The following AKR7A2 variants were observed in gnomAD, a reference collection of about 807,000 sequenced individuals.
AKR7A2 encodes the protein aflatoxin B1 aldehyde reductase member 2.
In AKR7A2, 29 loss-of-function variants were observed where a neutral mutation model predicts 37.3. The ratio of observed to expected loss-of-function variants is 0.78; its 90% CI spans 0.58 to 1.06. The LOEUF (loss-of-function observed/expected upper bound fraction) is 1.06, where lower values mean the gene tolerates loss of function less well. Among genes scored for constraint, AKR7A2 ranks in the 50% least tolerant of loss-of-function variants. The pLI is 0.00. For missense variants in AKR7A2, 529 were observed against 497.9 expected (o/e 1.06, Z -0.59); for synonymous variants, 228 against 217.8 (o/e 1.05, Z -0.41).
At position 19,311,983 on chromosome 1, in the gene AKR7A2, C is replaced by A; in HGVS notation, c.142G>T (p.Gly48Trp). 1 of 1,555,194 alleles carries A rather than the reference C, an allele frequency of 6.4e-7. No homozygotes were observed. The highest frequency in any genetic ancestry group is 8.7e-7 in the Non-Finnish European group (1 of 1,151,694). The part of the protein sequence containing the change: ...VASVLGTMEM[G>W]RRMDAPASAA... Reference sequence around the variant, plus strand: ...CTGGCGGGCGCGTCCATGCGGCGCCCCATCTCCATGGTGCCCAGCACCGAG... The same window carrying A: ...CTGGCGGGCGCGTCCATGCGGCGCCACATCTCCATGGTGCCCAGCACCGAG... The change falls in exon 1 of 7, where the codon GGG (glycine) becomes TGG (tryptophan). Residue 48 changes from glycine (G) to tryptophan (W), a missense_variant. Physicochemically the swap from Gly to Trp is radical, Grantham distance 184. Transcript: ENST00000235835.
chr1:19,306,182 C>T, intron 5 of AKR7A2, 35 bp from the exon 6 acceptor site: 6 of 1,613,988 alleles, frequency 3.7e-6, no homozygotes, highest in Non-Finnish European at 4.2e-6. Flanking sequence ...GGGGTCAGTA[C>T]CATGGGGGTC....
rs2151988667 is a variant in AKR7A2, at chr1:19,307,038, A to G, written c.752T>C (p.Phe251Ser). 1 of 1,614,156 alleles carries G rather than the reference A, an allele frequency of 6.2e-7. No homozygotes were observed. The highest frequency in any genetic ancestry group is 8.5e-7 in the Non-Finnish European group (1 of 1,180,036). ...DKDGKQPVGR[F>S]FGNSWAETYR... ...GGTCTCAGCCCAGCTATTCCCAAAGAAGCGGCCCACAGGCTGTTTCCCGTC... is the reference window on the plus strand; with the variant it reads ...GGTCTCAGCCCAGCTATTCCCAAAGGAGCGGCCCACAGGCTGTTTCCCGTC... The change falls in exon 5 of 7, where the codon TTC (phenylalanine) becomes TCC (serine). Residue 251 changes from phenylalanine to serine, a missense_variant. By Grantham distance (155) the Phe-to-Ser change is radical (BLOSUM62 -2). Coordinates refer to ENST00000235835, the MANE Select transcript of AKR7A2 (RefSeq NM_003689.4).
In AKR7A2 at chr1:19,312,012, A is replaced by G. The variant is rs1414798745; in HGVS notation, c.113T>C (p.Val38Ala). 2 of 1,466,272 alleles carry G rather than the reference A, an allele frequency of 1.4e-6. No individual in the cohort carries two copies. Among genetic ancestry groups the G allele is most frequent in the Non-Finnish European group, 1.8e-6 (2 of 1,112,974 alleles). 90.8% of individuals were successfully genotyped at this position (1,466,272 alleles called of 1,614,324 possible). A position where few individuals can be genotyped will look rare whatever the true frequency, so the allele number is the denominator to read the frequency against. Residue 38 changes from valine (V) to alanine (A), a missense_variant, in exon 1 of 7, where the codon GTC becomes GCC. Coordinates refer to ENST00000235835, the MANE Select transcript of AKR7A2 (RefSeq NM_003689.4). ...LAMSRPPPPR[V>A]ASVLGTMEMG... ...CTCCATGGTGCCCAGCACCGAGGCGACCCGCGGTGGCGGTGGCCGGGACAT... is the reference window on the plus strand; with the variant it reads ...CTCCATGGTGCCCAGCACCGAGGCGGCCCGCGGTGGCGGTGGCCGGGACAT...
Position 19,311,821 on chromosome 1 carries a change from T to G in AKR7A2, c.298+6A>C. On this transcript the variant is annotated splice_donor_region_variant and intron_variant, in intron 1 of 6. Coordinates refer to ENST00000235835, the MANE Select transcript of AKR7A2 (RefSeq NM_003689.4). Reference sequence around the variant, plus strand: ...ATGCATGGGGAGGATCTGCAGCTACTGTTACCTCTGCAGTCGCCACCGCCC... The same window carrying G: ...ATGCATGGGGAGGATCTGCAGCTACGGTTACCTCTGCAGTCGCCACCGCCC... 6.2e-7 allele frequency: 1 copy of G among 1,610,228 alleles called. No individual in the cohort carries two copies. The highest frequency in any genetic ancestry group is 8.5e-7 in the Non-Finnish European group (1 of 1,179,452).
Position 19,308,589 on chromosome 1 carries a change from T to C in AKR7A2, c.352A>G (p.Ser118Gly). Reference sequence around the variant, plus strand: ...GACGTCTCCAGCTGGGACCGGACACTGTCAGGCTTTAGTGATTTTCCATCC... The same window carrying C: ...GACGTCTCCAGCTGGGACCGGACACCGTCAGGCTTTAGTGATTTTCCATCC... ...PWDGKSLKPD[S>G]VRSQLETSLK... The change falls in exon 2 of 7, where the codon AGT (serine) becomes GGT (glycine). Residue 118 changes from serine to glycine, a missense_variant. Transcript: ENST00000235835. The C allele has an allele frequency of 6.2e-7, 1 of 1,614,198 alleles. No homozygotes were observed. Among genetic ancestry groups the C allele is most frequent in the Non-Finnish European group, 8.5e-7 (1 of 1,180,030 alleles).
chr1:19,308,027 G>A, intron 3 of AKR7A2, 131 bp downstream of exon 3: 2 of 1,181,818 alleles, frequency 1.7e-6, no homozygotes. Context: ...GGGTACATGG[G>A]AGCCATCTGC....
chr1:19,308,072 G>A (rs781230620), intron 3 of AKR7A2, 86 bp downstream of exon 3: 74 of 1,540,366 alleles, frequency 4.8e-5, no homozygotes, highest in African/African-American at 2.7e-4. Flanking sequence ...CTATGCAGAC[G>A]GCACAGGGGG....
intron 1 of AKR7A2, among the ~76,000 whole-genome samples, chr1:19,309,520 T>C (rs1164768146): frequency 6.6e-6 from 1 of 152,228 alleles, no homozygotes; most frequent in Non-Finnish European, 1.5e-5. Context: ...AGCATGAGCA[T>C]ATATCCAAAC....
rs1219643382 is a variant in AKR7A2 at position 19,304,306 on chromosome 1, C to G, written c.999G>C (p.Gly333=). The G allele has an allele frequency of 6.2e-7, 1 of 1,614,172 alleles. No individual in the cohort carries two copies. The highest frequency in any genetic ancestry group is 8.5e-7 in the Non-Finnish European group (1 of 1,180,032). The change falls in exon 7 of 7, where the codon GGG becomes GGC. Residue 333 remains glycine (G), a synonymous_variant. Transcript: ENST00000235835. ...CATCCACGACAGCCGGCTCCAGGGG[C>G]CCTTCCTCTGTTGCTGCCAAGTTCT... The part of the protein sequence containing the change: ...LEQNLAATEE[G]PLEPAVVDAF...
At chr1:19,303,762 G>C (rs553496813), downstream of AKR7A2, among the ~76,000 whole-genome samples, 10 of 152,112 alleles carry the variant, frequency 6.6e-5, no homozygotes, top group Non-Finnish European at 7.3e-5. Flanking sequence ...CTTTTCTATC[G>C]TGTGTAGAAG....
rs371034673 is a variant in AKR7A2, at chr1:19,308,277, C to A, written c.487-15G>T. The A allele has an allele frequency of 2.6e-4, 422 of 1,614,008 alleles. 1 individual carries two copies. Among genetic ancestry groups the A allele is most frequent in the Middle Eastern group, 1.3e-3 (8 of 6,082 alleles). On this transcript the variant is annotated splice_polypyrimidine_tract_variant and intron_variant, in intron 2 of 6. Transcript: ENST00000235835. ...ACGAACTTGCCCTGCATGGGTGAGGCTCCAGTCAGAACGCAGTGTAGCCCA... is the reference window on the plus strand; with the variant it reads ...ACGAACTTGCCCTGCATGGGTGAGGATCCAGTCAGAACGCAGTGTAGCCCA...
intron 6 of AKR7A2, chr1:19,305,277 A>C (rs1313762031): frequency 6.5e-6 from 1 of 154,454 alleles, no homozygotes. Flanking sequence ...GATATATGCC[A>C]GACACTATGC....
chr1:19,308,142 C>T lies in AKR7A2; in HGVS notation c.591+16G>A. 1.9e-6 allele frequency: 3 copies of T among 1,613,910 alleles called. No individual in the cohort carries two copies. The highest frequency in any genetic ancestry group is 2.5e-6 in the Non-Finnish European group (3 of 1,179,842). ...GGAGTCCTGGAGACCTTGGCCTCTG[C>T]AGCCCCGGCCCTCACCTGGTACACA... On this transcript the variant is annotated intron_variant, in intron 3 of 6. Transcript: ENST00000235835.
rs375402344 is a variant in AKR7A2, at chr1:19,308,375, G to A, written c.486+80C>T. 205 of 1,595,312 alleles carry A rather than the reference G, an allele frequency of 1.3e-4. No homozygotes were observed. The African/African-American group carries it at 2.3e-3, about 18-fold the overall frequency. On this transcript the variant is annotated intron_variant, in intron 2 of 6. Transcript: ENST00000235835. ...CCCTGCCCCACCCTGGGACTGCCCT[G>A]GTGCCTCTGCTCTCATGAGTAGGAT... is the stretch of plus-strand genomic sequence containing the variant.
chr1:19,305,609 G>C (rs144822042), intron 6 of AKR7A2, among the ~76,000 whole-genome samples: 26 of 152,334 alleles, frequency 1.7e-4, no homozygotes, highest in African/African-American at 6.3e-4. Context: ...CAAAGTGCTG[G>C]ATTACAGGTG....
chr1:19,312,126 G>A lies in AKR7A2; in HGVS notation c.-2C>T. 7.8e-7 allele frequency: 1 copy of A among 1,275,682 alleles called. No individual in the cohort carries two copies. The highest frequency in any genetic ancestry group is 1.6e-5 in the African/African-American group (1 of 61,998). 79.0% of individuals were successfully genotyped at this position (1,275,682 alleles called of 1,614,324 possible). A position where few individuals can be genotyped will look rare whatever the true frequency, so the allele number is the denominator to read the frequency against. Reference sequence around the variant, plus strand: ...TACGCGAGACGCGGCACTCAGCATAGCAGCGGCGCCTGCGCGTTGGGAGCC... The same window carrying A: ...TACGCGAGACGCGGCACTCAGCATAACAGCGGCGCCTGCGCGTTGGGAGCC... On this transcript the variant is annotated 5_prime_UTR_variant, in exon 1 of 7. Coordinates refer to ENST00000235835, the MANE Select transcript of AKR7A2 (RefSeq NM_003689.4).
At position 19,308,369 on chromosome 1, in the gene AKR7A2, T is replaced by C. The variant is rs2231196; in HGVS notation, c.486+86A>G. ...GCTATTCCCTGCCCCACCCTGGGACTGCCCTGGTGCCTCTGCTCTCATGAG... is the reference window on the plus strand; with the variant it reads ...GCTATTCCCTGCCCCACCCTGGGACCGCCCTGGTGCCTCTGCTCTCATGAG... On this transcript the variant is annotated intron_variant, in intron 2 of 6. Transcript: ENST00000235835. 9,582 of 1,594,852 alleles carry C rather than the reference T, an allele frequency of 6.0e-3. 552 individuals carry two copies. In the African/African-American group the frequency reaches 0.11, roughly 19 times the overall value.
intron 5 of AKR7A2, among the ~76,000 whole-genome samples, 161 bp from the exon 6 acceptor site, chr1:19,306,308 G>T (rs1273405969): frequency 6.6e-6 from 1 of 152,172 alleles, no homozygotes; most frequent in East Asian, 1.9e-4. Context: ...CTGGGCATCA[G>T]AACCACCCAG....
At chr1:19,307,515 A>G in intron 3 of AKR7A2, 105 bp from the exon 4 acceptor site, 1 of 1,186,258 alleles carries the variant, frequency 8.4e-7, no homozygotes, top group South Asian at 1.3e-5. Context: ...GACTTCAGCA[A>G]TATTCTAACA....
Sources: allele counts gnomAD v4.1 joint callset (sites outside exome capture counted in the v4.1 genomes callset), GRCh38; gene constraint gnomAD v4.1.1; transcripts MANE v1.5; gene names NCBI Gene and HGNC (gene_info 2026-07-23, HGNC 2026-07-21).